ZFHX3: variants seen among roughly 807,000 people sequenced by gnomAD.
ZFHX3 encodes zinc finger homeobox 3.
A neutral mutation model predicts 279.1 loss-of-function variants in ZFHX3; 42 were observed. The observed-to-expected ratio is 0.15, with a 90% CI of 0.12 to 0.19. The LOEUF is 0.19. Ranked by LOEUF, ZFHX3 falls within the 10% of genes least tolerant of loss-of-function variation. The pLI is 1.00. For missense variants in ZFHX3, 4,981 were observed against 4,754.0 expected (o/e 1.05, Z -1.40); for synonymous variants, 2,293 against 1,957.8 (o/e 1.17, Z -4.52).
At chr16:73,541,915 C>T (rs1275760030) in intron 2 of ZFHX3, among the ~76,000 whole-genome samples, 5 of 150,280 alleles carry the variant, frequency 3.3e-5, no homozygotes, top group South Asian at 2.1e-4. Flanking sequence ...AATTCTTCTG[C>T]CTCAGCCTCC....
At chr16:73,357,213 AC>A (rs1431809259) in intron 3 of ZFHX3, among the ~76,000 whole-genome samples, 2 of 151,524 alleles carry the variant, frequency 1.3e-5, no homozygotes, top group African/African-American at 2.4e-5. Context: ...TAATAATAAT[AC>A]CCCCCACCAC....
intron 1 of ZFHX3, among the ~76,000 whole-genome samples, chr16:73,802,029 T>C (rs957835155): frequency 6.6e-6 from 1 of 152,202 alleles, no homozygotes; most frequent in African/African-American, 2.4e-5. Context: ...GTCATCCTTG[T>C]TTATGAAGGA....
At chr16:73,374,433 T>C (rs1359966920) in intron 3 of ZFHX3, among the ~76,000 whole-genome samples, 1 of 152,194 alleles carries the variant, frequency 6.6e-6, no homozygotes, top group Non-Finnish European at 1.5e-5. Flanking sequence ...TCTCCTTCAC[T>C]TTATTATTTT....
chr16:72,945,868 C>T (rs779309396), intron 3 of ZFHX3, among the ~76,000 whole-genome samples: 11 of 152,040 alleles, frequency 7.2e-5, no homozygotes, highest in Non-Finnish European at 1.5e-4. Context: ...CTCCAGGCAC[C>T]ACCTACGGAC....
chr16:73,861,037 C>G (rs1010742640), intron 1 of ZFHX3, among the ~76,000 whole-genome samples: 5 of 149,238 alleles, frequency 3.4e-5, no homozygotes, highest in African/African-American at 1.0e-4. Flanking sequence ...CAGTGGTGCT[C>G]ACTGCAGCCT....
chr16:72,839,540 G>T (rs1244956201), intron 4 of ZFHX3, among the ~76,000 whole-genome samples: 1 of 152,144 alleles, frequency 6.6e-6, no homozygotes, highest in Non-Finnish European at 1.5e-5. Context: ...CAAGAAAAAT[G>T]ATTCCAACCC....
At chr16:72,826,469 A>G (rs193003516) in intron 5 of ZFHX3, among the ~76,000 whole-genome samples, 2 of 152,348 alleles carry the variant, frequency 1.3e-5, no homozygotes, top group Non-Finnish European at 2.9e-5. Context: ...GGAACAGCTC[A>G]ATTTAGGGAG....
intron 5 of ZFHX3, among the ~76,000 whole-genome samples, chr16:73,191,097 G>A (rs1968021136): frequency 6.6e-6 from 1 of 152,080 alleles, no homozygotes; most frequent in Non-Finnish European, 1.5e-5. Flanking sequence ...CATATTCAGA[G>A]GCGTGGGAGA....
intron 4 of ZFHX3, among the ~76,000 whole-genome samples, chr16:73,281,545 G>T (rs189187158): frequency 6.6e-6 from 1 of 152,280 alleles, no homozygotes; most frequent in East Asian, 1.9e-4. Flanking sequence ...TAACAATACT[G>T]TGCCTGTGCC....
At chr16:72,997,756 T>C (rs932956959) in intron 1 of ZFHX3, among the ~76,000 whole-genome samples, 1 of 152,138 alleles carries the variant, frequency 6.6e-6, no homozygotes, top group Admixed American at 6.5e-5. Flanking sequence ...CACCTATCTA[T>C]GAACTTTAAA....
intron 2 of ZFHX3, among the ~76,000 whole-genome samples, chr16:73,515,727 G>C (rs945913506): frequency 1.3e-5 from 2 of 152,154 alleles, no homozygotes; most frequent in Admixed American, 6.5e-5. Context: ...GGGAATCTGG[G>C]ATCATTTAAA....
At chr16:73,499,387 T>A (rs899553964) in intron 2 of ZFHX3, 1 of 152,242 alleles carries the variant, frequency 6.6e-6, no homozygotes, top group Non-Finnish European at 1.5e-5. Context: ...GCTGCCGCTC[T>A]GCATTTGGTG....
At position 73,805,458 on chromosome 16, in the gene ZFHX3, C is replaced by T. The variant is rs113283338; in HGVS notation, c.-1608+86193G>A. On this transcript the variant is annotated intron_variant, in intron 1 of 17. Coordinates refer to the ZFHX3 transcript ENST00000641206. ...TGCTGGGATTATAGGTGTGAGCTAC[C>T]GTGGCTGGCCATTCTGGTATATTTT... is the stretch of plus-strand genomic sequence containing the variant. Among the ~76,000 whole-genome samples, 1,486 of 152,266 alleles carry T rather than the reference C, an allele frequency of 9.8e-3. 27 individuals are homozygous for T. The highest frequency in any genetic ancestry group is 0.033 in the African/African-American group (1,383 of 41,546).
At chr16:72,936,184 T>G (rs951988535) in intron 3 of ZFHX3, among the ~76,000 whole-genome samples, 2 of 152,208 alleles carry the variant, frequency 1.3e-5, no homozygotes, top group Non-Finnish European at 2.9e-5. Flanking sequence ...AGCCATCCAC[T>G]TTACACCAAC....
At chr16:73,287,593 T>TAC (rs2143086214) in intron 4 of ZFHX3, among the ~76,000 whole-genome samples, 1 of 136,694 alleles carries the variant, frequency 7.3e-6, no homozygotes, top group East Asian at 2.3e-4. Flanking sequence ...GGTTGGTGAG[T>TAC]GGCTGTGTGG....
chr16:72,955,550 G>A (rs890841970), intron 2 of ZFHX3, among the ~76,000 whole-genome samples: 5 of 152,100 alleles, frequency 3.3e-5, no homozygotes, highest in South Asian at 2.1e-4. Context: ...AGGCCAAGGC[G>A]GGCAGATCAC....
chr16:72,919,553 G>T (rs925071635), intron 3 of ZFHX3, among the ~76,000 whole-genome samples: 1 of 148,496 alleles, frequency 6.7e-6, no homozygotes, highest in Non-Finnish European at 1.5e-5. Flanking sequence ...TTTTAAGAAA[G>T]ATCTGTTTTG....
chr16:73,581,952 G>C (rs1459668491), intron 2 of ZFHX3, among the ~76,000 whole-genome samples: 2 of 151,710 alleles, frequency 1.3e-5, no homozygotes, highest in African/African-American at 4.9e-5. Context: ...GGGATTACAG[G>C]CATGAGCCAC....
chr16:73,785,849 C>G (rs1205511561), intron 1 of ZFHX3, among the ~76,000 whole-genome samples: 1 of 151,958 alleles, frequency 6.6e-6, no homozygotes, highest in African/African-American at 2.4e-5. Flanking sequence ...TGCCTGGGTA[C>G]TTTGTAACCA....
Sources: allele counts gnomAD v4.1 joint callset (sites outside exome capture counted in the v4.1 genomes callset), GRCh38; gene constraint gnomAD v4.1.1; transcripts MANE v1.5; gene names NCBI Gene and HGNC (gene_info 2026-07-23, HGNC 2026-07-21).